Variants in SDK1 observed in about 807,000 individuals in gnomAD.
The protein encoded by SDK1 is sidekick cell adhesion molecule 1.
A neutral mutation model predicts 245.5 loss-of-function variants in SDK1; 157 were observed. The ratio of observed to expected loss-of-function variants is 0.64; its 90% CI spans 0.56 to 0.73. The LOEUF (loss-of-function observed/expected upper bound fraction) is 0.73, where lower values mean the gene tolerates loss of function less well. Ranked by LOEUF, SDK1 falls within the 30% of genes least tolerant of loss-of-function variation. The pLI is 0.00. For missense variants in SDK1, 3,583 were observed against 3,002.3 expected (o/e 1.19, Z -4.52); for synonymous variants, 1,647 against 1,278.5 (o/e 1.29, Z -6.15).
intron 4 of SDK1, among the ~76,000 whole-genome samples, chr7:3,672,478 C>A (rs10233791): frequency 6.7e-6 from 1 of 150,342 alleles, no homozygotes; most frequent in African/African-American, 2.5e-5. Context: ...ATAGGACATA[C>A]AGGCAAAGAA....
intron 17 of SDK1, among the ~76,000 whole-genome samples, chr7:4,043,065 C>G (rs1038221070): frequency 1.3e-5 from 2 of 152,094 alleles, no homozygotes; most frequent in Admixed American, 1.3e-4. Flanking sequence ...GCCCACAGGT[C>G]AGGCTCCGAA....
intron 1 of SDK1, among the ~76,000 whole-genome samples, chr7:3,611,088 A>G (rs1781574483): frequency 6.6e-6 from 1 of 152,230 alleles, no homozygotes; most frequent in Non-Finnish European, 1.5e-5. Context: ...TTTATTTTAC[A>G]AGGCAGTAGT....
chr7:3,502,698 T>C (rs920487588), intron 1 of SDK1, among the ~76,000 whole-genome samples: 1 of 152,196 alleles, frequency 6.6e-6, no homozygotes. Flanking sequence ...ATTTTGACAA[T>C]TTTATGTGTT....
rs570223961 is a variant in SDK1, at chr7:4,102,136, C to T, written c.3325-8527C>T. On this transcript the variant is annotated intron_variant, in intron 22 of 44. Transcript: ENST00000404826. ...GGGAGTGAAGATAAACGCAGCACAG[C>T]GTCGAGTCCCCTGCCGGCTTATGAG... 2.8e-4 allele frequency among the ~76,000 whole-genome samples: 42 copies of T among 152,286 alleles called. No individual in the cohort carries two copies. The South Asian group carries it at 6.0e-3, about 22-fold the overall frequency.
chr7:3,977,805 G>T (rs939696012), intron 13 of SDK1, among the ~76,000 whole-genome samples: 1 of 152,250 alleles, frequency 6.6e-6, no homozygotes, highest in African/African-American at 2.4e-5. Flanking sequence ...GCCTGATGTA[G>T]TATTTGTTGT....
intron 22 of SDK1, among the ~76,000 whole-genome samples, chr7:4,091,342 T>TTTCTTTTTTTC (rs1440126821): frequency 7.1e-6 from 1 of 141,746 alleles, no homozygotes; most frequent in Non-Finnish European, 1.5e-5. Flanking sequence ...TTCTTTTTTT[T>TTTCTTTTTTTC]TTTTTTTTTT....
chr7:3,882,755 G>C (rs917840285), intron 5 of SDK1, among the ~76,000 whole-genome samples: 2 of 152,052 alleles, frequency 1.3e-5, no homozygotes, highest in African/African-American at 4.8e-5. Context: ...CAACTTGGCA[G>C]GGTCTCTCCT....
At chr7:3,784,575 G>GAAGACATACAAATGGCTGAC (rs1780843273) in intron 4 of SDK1, among the ~76,000 whole-genome samples, 1 of 152,086 alleles carries the variant, frequency 6.6e-6, no homozygotes. Flanking sequence ...TTTCTCAAAA[G>GAAGACATACAAATGGCTGAC]AAGACATACA....
At chr7:3,333,772 A>G (rs965342566) in intron 1 of SDK1, among the ~76,000 whole-genome samples, 3 of 152,230 alleles carry the variant, frequency 2.0e-5, no homozygotes, top group African/African-American at 7.2e-5. Context: ...TACTTTAAGC[A>G]GAAAGCAGTT....
intron 1 of SDK1, among the ~76,000 whole-genome samples, chr7:3,410,177 C>T (rs1779161777): frequency 1.3e-5 from 2 of 152,172 alleles, no homozygotes; most frequent in South Asian, 4.1e-4. Context: ...GCAGGTTGAA[C>T]ATCCCTAATC....
At chr7:4,079,239 G>A (rs1214148991) in intron 21 of SDK1, among the ~76,000 whole-genome samples, 1 of 152,204 alleles carries the variant, frequency 6.6e-6, no homozygotes, top group Non-Finnish European at 1.5e-5. Flanking sequence ...TTAGCGACGT[G>A]TCTCCCAAAG....
chr7:3,430,264 TG>T (rs1249173133), intron 1 of SDK1, among the ~76,000 whole-genome samples: 14 of 152,162 alleles, frequency 9.2e-5, no homozygotes, highest in African/African-American at 3.4e-4. Context: ...GCAGTTTCTC[TG>T]ACCATATCAA....
intron 4 of SDK1, among the ~76,000 whole-genome samples, chr7:3,794,142 T>A (rs556782940): frequency 6.6e-6 from 1 of 152,218 alleles, no homozygotes; most frequent in East Asian, 1.9e-4. Flanking sequence ...TATCATGAGG[T>A]ATTTCAGATA....
chr7:4,106,392 C>T (rs1782912562), intron 22 of SDK1, among the ~76,000 whole-genome samples: 1 of 151,818 alleles, frequency 6.6e-6, no homozygotes, highest in African/African-American at 2.4e-5. Context: ...TAAGCTCTGC[C>T]TCCTGGGTTC....
At chr7:3,542,294 G>C (rs1004184886) in intron 1 of SDK1, among the ~76,000 whole-genome samples, 1 of 152,128 alleles carries the variant, frequency 6.6e-6, no homozygotes, top group Non-Finnish European at 1.5e-5. Context: ...TTAGAACTTA[G>C]GGCATAATTT....
At chr7:3,897,497 T>C (rs1396710351) in intron 5 of SDK1, among the ~76,000 whole-genome samples, 2 of 152,238 alleles carry the variant, frequency 1.3e-5, no homozygotes, top group African/African-American at 2.4e-5. Flanking sequence ...ATAATGTCTT[T>C]GAGGCTATCC....
intron 1 of SDK1, among the ~76,000 whole-genome samples, chr7:3,474,906 G>T (rs899018592): frequency 1.5e-4 from 23 of 152,014 alleles, no homozygotes; most frequent in African/African-American, 5.3e-4. Flanking sequence ...TGTCCAAGCT[G>T]GTATTGAACT....
At chr7:3,358,653 A>G (rs1780872287) in intron 1 of SDK1, among the ~76,000 whole-genome samples, 1 of 152,166 alleles carries the variant, frequency 6.6e-6, no homozygotes, top group Non-Finnish European at 1.5e-5. Context: ...AATTTTCTGT[A>G]GGATTGAAGG....
chr7:4,154,967 G>T (rs1584314167), intron 30 of SDK1, among the ~76,000 whole-genome samples: 1 of 151,954 alleles, frequency 6.6e-6, no homozygotes. Flanking sequence ...ACGGGGGTGG[G>T]GGGCTTGAGG....
Sources: allele counts gnomAD v4.1 joint callset (sites outside exome capture counted in the v4.1 genomes callset), GRCh38; gene constraint gnomAD v4.1.1; transcripts MANE v1.5; gene names NCBI Gene and HGNC (gene_info 2026-07-23, HGNC 2026-07-21).